Variants in CTNNA3 observed in about 807,000 individuals in gnomAD.
CTNNA3 encodes catenin alpha 3.
A neutral mutation model predicts 95.7 loss-of-function variants in CTNNA3; 76 were observed. The observed-to-expected ratio is 0.79, with a 90% CI of 0.66 to 0.96. CTNNA3 has a LOEUF of 0.96. CTNNA3 is among the 40% of genes least tolerant of loss of function. The pLI, the probability that CTNNA3 is intolerant of heterozygous loss-of-function variation, is 0.00. For missense variants in CTNNA3, 1,191 were observed against 1,089.8 expected, an observed-to-expected ratio of 1.09 and a Z score of -1.31; for synonymous variants, 431 against 374.4, an observed-to-expected ratio of 1.15 and a Z score of -1.74.
chr10:66,805,754 C>T (rs1371439667), intron 7 of CTNNA3, among the ~76,000 whole-genome samples: 1 of 151,954 alleles, frequency 6.6e-6, no homozygotes, highest in Non-Finnish European at 1.5e-5. Context: ...AAATAGTCAT[C>T]ATCCTCAGCA....
rs143944398 is a variant in CTNNA3 at position 67,263,707 on chromosome 10, T to C, written c.580-43837A>G. The stretch of plus-strand genomic sequence containing the variant: ...AAGAAGTACCAGATGTGAAATTCTA[T>C]AAAATGCCAACTGATTCACACCCTA... On this transcript the variant is annotated intron_variant, in intron 5 of 17. Coordinates refer to ENST00000433211, the MANE Select transcript of CTNNA3 (RefSeq NM_013266.4). Among the ~76,000 whole-genome samples the C allele has an allele frequency of 2.9e-3, 447 of 152,198 alleles. 2 individuals carry two copies. The highest frequency in any genetic ancestry group is 3.7e-3 in the Non-Finnish European group (251 of 67,990).
At chr10:67,590,448 T>C (rs1589461525) in intron 3 of CTNNA3, among the ~76,000 whole-genome samples, 2 of 152,242 alleles carry the variant, frequency 1.3e-5, no homozygotes, top group South Asian at 4.1e-4. Flanking sequence ...TATGGAACTT[T>C]GGCATTTGAC....
rs1417713676 is a variant in CTNNA3, at chr10:66,331,338, G to GCTTGCTTTTTTTTTTTTTTTTT, written c.1732+47813_1732+47814insAAAAAAAAAAAAAAAAAGCAAG. 6.1e-4 allele frequency among the ~76,000 whole-genome samples: 24 copies of GCTTGCTTTTTTTTTTTTTTTTT among 39,112 alleles called. 6 individuals are homozygous for GCTTGCTTTTTTTTTTTTTTTTT. Among genetic ancestry groups the GCTTGCTTTTTTTTTTTTTTTTT allele is most frequent in the African/African-American group, 1.5e-3 (21 of 13,980 alleles). The allele number at this position is 39,112 out of a possible 152,430, so 25.7% of individuals were successfully genotyped here. On this transcript the variant is annotated intron_variant, in intron 12 of 17. Transcript: ENST00000433211. ...TTAAATATGGACTCCTTTCCCCATT[G>GCTTGCTTTTTTTTTTTTTTTTT]TTTGTTTTTTTTTTTTTTTTTTTTT...
At chr10:66,502,762 T>G (rs1276667975) in intron 11 of CTNNA3, among the ~76,000 whole-genome samples, 4 of 152,072 alleles carry the variant, frequency 2.6e-5, no homozygotes, top group African/African-American at 9.7e-5. Context: ...TGTACCGGGT[T>G]TTCCTTATGA....
chr10:66,414,943 C>A (rs1336545268), intron 11 of CTNNA3, among the ~76,000 whole-genome samples: 1 of 152,074 alleles, frequency 6.6e-6, no homozygotes, highest in Non-Finnish European at 1.5e-5. Context: ...CACAAGTGAC[C>A]ACAGGCTTCT....
intron 9 of CTNNA3, among the ~76,000 whole-genome samples, chr10:66,735,499 T>C (rs1371438091): frequency 6.6e-6 from 1 of 151,958 alleles, no homozygotes; most frequent in African/African-American, 2.4e-5. Flanking sequence ...TTTTACATAA[T>C]ATTTCCTTAT....
intron 13 of CTNNA3, among the ~76,000 whole-genome samples, chr10:66,124,384 T>C (rs1589472485): frequency 6.6e-6 from 1 of 152,312 alleles, no homozygotes; most frequent in African/African-American, 2.4e-5. Context: ...GTCCATATCA[T>C]TATCAGCATT....
chr10:66,351,380 C>A (rs1426914008), intron 12 of CTNNA3, among the ~76,000 whole-genome samples: 1 of 151,950 alleles, frequency 6.6e-6, no homozygotes, highest in African/African-American at 2.4e-5. Flanking sequence ...AACTTACCTA[C>A]AATATCAGAA....
intron 12 of CTNNA3, among the ~76,000 whole-genome samples, chr10:66,364,228 C>T (rs1043474953): frequency 2.7e-5 from 4 of 150,770 alleles, no homozygotes; most frequent in Non-Finnish European, 5.9e-5. Flanking sequence ...ATAGCAAAAA[C>T]AACAATAAAA....
At chr10:66,286,167 A>C (rs1184022600) in intron 12 of CTNNA3, among the ~76,000 whole-genome samples, 1 of 152,016 alleles carries the variant, frequency 6.6e-6, no homozygotes, top group Non-Finnish European at 1.5e-5. Flanking sequence ...CACATTAGTA[A>C]ACATCAACAA....
chr10:66,416,243 T>C (rs1218273039), intron 11 of CTNNA3, among the ~76,000 whole-genome samples: 2 of 149,664 alleles, frequency 1.3e-5, no homozygotes, highest in Non-Finnish European at 3.0e-5. Context: ...TGACAGTGTT[T>C]TATAAATAAC....
chr10:66,751,354 C>A (rs577733358), intron 9 of CTNNA3, among the ~76,000 whole-genome samples: 6 of 152,230 alleles, frequency 3.9e-5, no homozygotes, highest in African/African-American at 1.4e-4. Flanking sequence ...TATTCTGCAA[C>A]CTTTCTACAA....
At chr10:67,244,922 A>C (rs1345922024) in intron 5 of CTNNA3, among the ~76,000 whole-genome samples, 1 of 152,112 alleles carries the variant, frequency 6.6e-6, no homozygotes, top group African/African-American at 2.4e-5. Flanking sequence ...CCAGTGCCAA[A>C]CACTTTGTTG....
intron 7 of CTNNA3, among the ~76,000 whole-genome samples, chr10:66,932,381 T>C (rs1847452854): frequency 6.6e-6 from 1 of 152,180 alleles, no homozygotes; most frequent in African/African-American, 2.4e-5. Context: ...CATCAGGTCA[T>C]GAAGCCTGAG....
At chr10:67,723,990 C>A (rs899553313) in intron 1 of CTNNA3, among the ~76,000 whole-genome samples, 2 of 152,094 alleles carry the variant, frequency 1.3e-5, no homozygotes, top group African/African-American at 4.8e-5. Flanking sequence ...TTCCAGTAGA[C>A]CTTTAGGTAG....
chr10:67,291,116 A>G (rs1839822593), intron 5 of CTNNA3, among the ~76,000 whole-genome samples: 1 of 152,156 alleles, frequency 6.6e-6, no homozygotes, highest in South Asian at 2.1e-4. Flanking sequence ...GATCCCTCCA[A>G]GTCTCAGTCT....
intron 15 of CTNNA3, among the ~76,000 whole-genome samples, chr10:65,994,441 GT>G (rs1411752757): frequency 6.7e-6 from 1 of 149,926 alleles, no homozygotes; most frequent in Non-Finnish European, 1.5e-5. Context: ...TTTTTTTTTG[GT>G]TTTTCTCCTC....
intron 7 of CTNNA3, among the ~76,000 whole-genome samples, chr10:66,823,150 ATCCATATATTAACAGCTTG>A (rs1440392747): frequency 2.6e-5 from 4 of 152,200 alleles, no homozygotes; most frequent in Non-Finnish European, 5.9e-5. Context: ...AGTCTGGAAA[ATCCATATATTAACAGCTTG>A]TCCACATTCC....
At chr10:66,449,123 C>T (rs960955229) in intron 11 of CTNNA3, among the ~76,000 whole-genome samples, 7 of 151,116 alleles carry the variant, frequency 4.6e-5, no homozygotes, top group African/African-American at 1.7e-4. Flanking sequence ...AAATATATGC[C>T]CAATAAAATG....
Sources: gnomAD v4.1 joint callset for allele counts (sites outside exome capture counted in the v4.1 genomes callset) on GRCh38, gnomAD v4.1.1 for gene constraint, MANE v1.5 for transcripts, NCBI Gene and HGNC (gene_info 2026-07-23, HGNC 2026-07-21) for gene names.